Variants in RAE1 observed in about 807,000 individuals in gnomAD.
The protein encoded by RAE1 is ribonucleic acid export 1.
A neutral mutation model predicts 52.7 loss-of-function variants in RAE1; 13 were observed. The ratio of observed to expected loss-of-function variants is 0.25; its 90% CI spans 0.16 to 0.39. RAE1 has a LOEUF of 0.39. Among genes scored for constraint, RAE1 ranks in the 10% least tolerant of loss-of-function variants. The pLI is 1.00. For synonymous variants in RAE1, 164 were observed against 153.1 expected, an observed-to-expected ratio of 1.07 and a Z score of -0.52; for missense variants, 262 against 459.8, an observed-to-expected ratio of 0.57 and a Z score of 3.93.
Position 57,378,188 on chromosome 20 carries a change from C to A in RAE1, c.*89C>A. 1 of 1,070,686 alleles carries A rather than the reference C, an allele frequency of 9.3e-7. No individual in the cohort carries two copies. The highest frequency in any genetic ancestry group is 1.5e-5 in the South Asian group (1 of 65,588). The allele number at this position is 1,070,686 out of a possible 1,614,324, so 66.3% of individuals were successfully genotyped here. A position where few individuals can be genotyped will look rare whatever the true frequency, so the allele number is the denominator to read the frequency against. On this transcript the variant is annotated 3_prime_UTR_variant, in exon 12 of 12. Transcript: ENST00000395841. ...TTGGGTCCCAGCCTTGTTGGGTTGT[C>A]AGCCATGGACATGGATTTCAACCCC... is the stretch of plus-strand genomic sequence containing the variant.
At chr20:57,356,595 A>G (rs1262637478) in intron 4 of RAE1, 57 bp downstream of exon 4, 5 of 1,426,906 alleles carry the variant, frequency 3.5e-6, no homozygotes, top group Non-Finnish European at 3.9e-6. Flanking sequence ...AATGATTTAG[A>G]ATATTTAATA....
At chr20:57,366,576 C>T (rs2066956900) in intron 5 of RAE1, among the ~76,000 whole-genome samples, 1 of 152,212 alleles carries the variant, frequency 6.6e-6, no homozygotes, top group African/African-American at 2.4e-5. Context: ...AGACATCTCC[C>T]ACCAGGCCCC....
At chr20:57,363,041 C>G (rs2066910726) in intron 4 of RAE1, among the ~76,000 whole-genome samples, 2 of 152,166 alleles carry the variant, frequency 1.3e-5, no homozygotes, top group Non-Finnish European at 2.9e-5. Context: ...CTTGGCCTCC[C>G]CAAGTTCTGG....
In RAE1 at chr20:57,354,772, A is replaced by G. The variant is rs146535731; in HGVS notation, c.151A>G (p.Thr51Ala). ...SIGCLSFSPP[T>A]LPGNFLIAGS... ...TGGTTGTCTGTCTTTTAGCCCACCAACCTTGCCGGGGAACTTTCTTATTGC... is the reference window on the plus strand; with the variant it reads ...TGGTTGTCTGTCTTTTAGCCCACCAGCCTTGCCGGGGAACTTTCTTATTGC... Residue 51 changes from threonine to alanine, a missense_variant, in exon 3 of 12, where the codon ACC becomes GCC. Coordinates refer to ENST00000395841, the MANE Select transcript of RAE1 (RefSeq NM_003610.4). 9.1e-4 allele frequency: 1,454 copies of G among 1,604,580 alleles called. No homozygotes were observed. The highest frequency in any genetic ancestry group is 1.2e-3 in the Non-Finnish European group (1,401 of 1,176,094).
At chr20:57,368,163 G>A (rs1004657816) in intron 7 of RAE1, among the ~76,000 whole-genome samples, 1 of 152,190 alleles carries the variant, frequency 6.6e-6, no homozygotes, top group Non-Finnish European at 1.5e-5. Flanking sequence ...TGGGATTACA[G>A]GCGTGAGCCA....
intron 4 of RAE1, among the ~76,000 whole-genome samples, chr20:57,362,405 A>T (rs900738102): frequency 6.6e-6 from 1 of 152,246 alleles, no homozygotes; most frequent in Admixed American, 6.5e-5. Context: ...TTCATTTCAT[A>T]TGCAACTTAT....
At chr20:57,356,419 T>G in intron 3 of RAE1, 27 bp from the exon 4 acceptor site, 1 of 1,577,068 alleles carries the variant, frequency 6.3e-7, no homozygotes, top group Non-Finnish European at 8.7e-7. Flanking sequence ...ATTGCTTTGT[T>G]TGCATTGAAT....
chr20:57,361,963 TCAG>T (rs930504302), intron 4 of RAE1, among the ~76,000 whole-genome samples: 2 of 152,200 alleles, frequency 1.3e-5, no homozygotes, highest in African/African-American at 2.4e-5. Flanking sequence ...TCCTGTCAGA[TCAG>T]CGGCGGCATT....
At chr20:57,376,080 C>T (rs1332311615) in intron 11 of RAE1, among the ~76,000 whole-genome samples, 1 of 152,238 alleles carries the variant, frequency 6.6e-6, no homozygotes, top group Non-Finnish European at 1.5e-5. Flanking sequence ...TTTAGTATTT[C>T]CCAGTCTCAG....
At chr20:57,356,372 T>G in intron 3 of RAE1, 74 bp from the exon 4 acceptor site, 3 of 1,137,254 alleles carry the variant, frequency 2.6e-6, no homozygotes, top group Non-Finnish European at 3.9e-6. Flanking sequence ...GTGTACCCCA[T>G]TAGTTTTTAG....
chr20:57,368,320 G>A (rs2066987172), intron 7 of RAE1, among the ~76,000 whole-genome samples: 1 of 152,200 alleles, frequency 6.6e-6, no homozygotes, highest in South Asian at 2.1e-4. Context: ...AAAAGTGTGT[G>A]ACGTGGACCT....
In RAE1 at chr20:57,368,605, C is replaced by G. The variant is rs1394650646; in HGVS notation, c.535-100C>G. 102 of 684,564 alleles carry G rather than the reference C, an allele frequency of 1.5e-4. 1 individual carries two copies. The East Asian group carries it at 2.8e-3, about 19-fold the overall frequency. 42.4% of individuals were successfully genotyped at this position (684,564 alleles called of 1,614,324 possible). A position where few individuals can be genotyped will look rare whatever the true frequency, so the allele number is the denominator to read the frequency against. The stretch of plus-strand genomic sequence containing the variant: ...AATATAATCCCAGGATTATTAAAAT[C>G]CAGACTTAATGTTGTAACCAAAAAT... On this transcript the variant is annotated intron_variant, in intron 7 of 11. Coordinates refer to ENST00000395841, the MANE Select transcript of RAE1 (RefSeq NM_003610.4).
chr20:57,376,792 A>G (rs1399375906), intron 11 of RAE1, among the ~76,000 whole-genome samples: 3 of 152,214 alleles, frequency 2.0e-5, no homozygotes, highest in African/African-American at 7.2e-5. Context: ...AGCTGCATCA[A>G]AATTCTGCAT....
intron 4 of RAE1, among the ~76,000 whole-genome samples, chr20:57,364,288 G>A (rs1013961838): frequency 1.3e-5 from 2 of 152,090 alleles, no homozygotes; most frequent in Non-Finnish European, 2.9e-5. Flanking sequence ...ATGTCTGCAC[G>A]TGTCCACTGA....
At chr20:57,367,876 A>C (rs894717778) in intron 7 of RAE1, among the ~76,000 whole-genome samples, 12 of 151,796 alleles carry the variant, frequency 7.9e-5, no homozygotes, top group African/African-American at 2.7e-4. Flanking sequence ...ATAGATACAG[A>C]TGGTCTTTGT....
chr20:57,370,476 G>C (rs938150157), intron 8 of RAE1, among the ~76,000 whole-genome samples: 1 of 152,114 alleles, frequency 6.6e-6, no homozygotes, highest in African/African-American at 2.4e-5. Flanking sequence ...AAGCACAACT[G>C]ATCTCCCATC....
chr20:57,376,401 C>T (rs1369036244), intron 11 of RAE1, among the ~76,000 whole-genome samples: 1 of 152,214 alleles, frequency 6.6e-6, no homozygotes, highest in African/African-American at 2.4e-5. Context: ...TTCCCTTACG[C>T]ACACACAAAA....
intron 5 of RAE1, 29 bp downstream of exon 5, chr20:57,365,471 G>T: frequency 2.0e-6 from 3 of 1,497,626 alleles, no homozygotes; most frequent in Non-Finnish European, 2.8e-6. Flanking sequence ...GAAAGGCTAG[G>T]CACAACTGGT....
intron 4 of RAE1, chr20:57,360,018 T>A (rs1034391457): frequency 9.2e-5 from 14 of 151,980 alleles, no homozygotes; most frequent in Non-Finnish European, 2.1e-4. Context: ...TGATGAAATC[T>A]TCTGGATGTA....
Sources: gnomAD v4.1 joint callset for allele counts (sites outside exome capture counted in the v4.1 genomes callset) on GRCh38, gnomAD v4.1.1 for gene constraint, MANE v1.5 for transcripts, NCBI Gene and HGNC (gene_info 2026-07-23, HGNC 2026-07-21) for gene names.